Variants in IL12RB1 observed in about 807,000 individuals in gnomAD.
The protein encoded by IL12RB1 is interleukin-12 receptor subunit beta-1.
In IL12RB1, 64 loss-of-function variants were observed where a neutral mutation model predicts 94.4. The observed-to-expected ratio is 0.68, with a 90% CI of 0.55 to 0.83. The LOEUF (loss-of-function observed/expected upper bound fraction) is 0.83, where lower values mean the gene tolerates loss of function less well. IL12RB1 is among the 40% of genes least tolerant of loss of function. The pLI, the probability that IL12RB1 is intolerant of heterozygous loss-of-function variation, is 0.00. For synonymous variants in IL12RB1, 362 were observed against 355.5 expected (o/e 1.02, Z -0.21); for missense variants, 814 against 855.6 (o/e 0.95, Z 0.61).
intron 1 of IL12RB1, among the ~76,000 whole-genome samples, chr19:18,096,156 C>T (rs2036907075): frequency 6.6e-6 from 1 of 152,000 alleles, no homozygotes. Flanking sequence ...GCAGGAAGAT[C>T]GCTTGAGCCC....
At chr19:18,069,301 A>G (rs2034832340) in intron 10 of IL12RB1, among the ~76,000 whole-genome samples, 1 of 152,206 alleles carries the variant, frequency 6.6e-6, no homozygotes, top group African/African-American at 2.4e-5. Context: ...TGTGAGATTC[A>G]TTACCTGTAT....
At chr19:18,083,613 A>G in intron 1 of IL12RB1, 122 bp from the exon 2 acceptor site, 2 of 809,980 alleles carry the variant, frequency 2.5e-6, no homozygotes, top group African/African-American at 2.4e-5. Context: ...TTTCCCATCT[A>G]TGCACCCTCC....
chr19:18,096,071 C>CA, intron 1 of IL12RB1, among the ~76,000 whole-genome samples: 1 of 151,688 alleles, frequency 6.6e-6, no homozygotes, highest in African/African-American at 2.4e-5. Flanking sequence ...AAAAAAAACC[C>CA]AAAAAAATTA....
intron 15 of IL12RB1, among the ~76,000 whole-genome samples, chr19:18,060,536 A>AG (rs2034045372): frequency 1.3e-5 from 2 of 152,016 alleles, no homozygotes; most frequent in Admixed American, 6.6e-5. Context: ...AGCCCCTCTT[A>AG]GGAAGAGCAC....
intron 9 of IL12RB1, chr19:18,071,242 G>A: frequency 2.3e-6 from 1 of 435,786 alleles, no homozygotes; most frequent in Non-Finnish European, 4.3e-6. Flanking sequence ...TATGGTGGCA[G>A]ATGCCTGTAA....
chr19:18,079,618 C>T (rs1031525610), intron 4 of IL12RB1, among the ~76,000 whole-genome samples: 11 of 151,494 alleles, frequency 7.3e-5, no homozygotes, highest in African/African-American at 2.7e-4. Flanking sequence ...TAAGATTATA[C>T]ATGTAAGTGG....
chr19:18,068,433 G>A lies in IL12RB1; in HGVS notation c.1283C>T (p.Thr428Ile), dbSNP rs867396174. The change falls in exon 11 of 17, where the codon ACC becomes ATC. Residue 428 changes from threonine (T) to isoleucine (I), a missense_variant. Coordinates refer to ENST00000593993, the MANE Select transcript of IL12RB1 (RefSeq NM_005535.3). Reference protein sequence around the residue: ...IFASAHPEKLTLWSTVLSTYH... With the variant: ...IFASAHPEKLILWSTVLSTYH... The stretch of plus-strand genomic sequence containing the variant: ...GGTGGACAGGACCGTAGACCACAAG[G>A]TGAGCTTCTCGGGGTGCGCAGAGGC... 3 of 1,613,306 alleles carry A rather than the reference G, an allele frequency of 1.9e-6. No homozygotes were observed. Among genetic ancestry groups the A allele is most frequent in the African/African-American group, 1.3e-5 (1 of 74,796 alleles).
Position 18,068,017 on chromosome 19 carries a change from C to CTTTTT in IL12RB1, c.1327+367_1327+371dup, listed in dbSNP as rs1216685125. The stretch of plus-strand genomic sequence containing the variant: ...TTCTGTCTGCCTTAACAGCATTGTC[C>CTTTTT]TTTTTTTTTTTTTTTTTTTTTTTTT... On this transcript the variant is annotated intron_variant, in intron 11 of 16. Transcript: ENST00000593993. 5.3e-4 allele frequency among the ~76,000 whole-genome samples: 32 copies of CTTTTT among 59,860 alleles called. 4 individuals carry two copies. The highest frequency in any genetic ancestry group is 1.9e-3 in the African/African-American group (27 of 14,286). 39.3% of individuals were successfully genotyped at this position (59,860 alleles called of 152,430 possible). A position where few individuals can be genotyped will look rare whatever the true frequency, so the allele number is the denominator to read the frequency against.
rs538586278 is a variant in IL12RB1 at position 18,083,722 on chromosome 19, A to C, written c.65-231T>G. The stretch of plus-strand genomic sequence containing the variant: ...CCGTCCACCATCTACCCATCCATCC[A>C]CCCATGAATTCATCCATTCACCCAT... On this transcript the variant is annotated intron_variant, in intron 1 of 16. Coordinates refer to ENST00000593993, the MANE Select transcript of IL12RB1 (RefSeq NM_005535.3). Among the ~76,000 whole-genome samples the C allele has an allele frequency of 2.7e-5, 4 of 147,544 alleles. No homozygotes were observed. In the East Asian group the frequency reaches 8.0e-4, roughly 29 times the overall value.
rs560384669 is a variant in IL12RB1, at chr19:18,066,667, G to A, written c.1358C>T (p.Ser453Leu). 2.6e-5 allele frequency: 42 copies of A among 1,609,286 alleles called. No homozygotes were observed. Among genetic ancestry groups the A allele is most frequent in the South Asian group, 2.1e-4 (19 of 90,970 alleles). ...AGAGTCCAAGCTATGATTCTTCACC[G>A]AGACGTGGTGCGGTGTCCCAGCTGC... ...ASAAGTPHHV[S>L]VKNHSLDSVS... The change falls in exon 12 of 17, where the codon TCG becomes TTG. Residue 453 changes from serine (S) to leucine (L), a missense_variant. By Grantham distance (145) the Ser-to-Leu change is moderately radical. Coordinates refer to ENST00000593993, the MANE Select transcript of IL12RB1 (RefSeq NM_005535.3).
At position 18,080,631 on chromosome 19, in the gene IL12RB1, A is replaced by C. The variant is rs2305742; in HGVS notation, c.409+201T>G. 0.14 allele frequency among the ~76,000 whole-genome samples: 21,749 copies of C among 152,196 alleles called. 1,995 individuals carry two copies. The highest frequency in any genetic ancestry group is 0.21 in the Non-Finnish European group (14,048 of 68,000). On this transcript the variant is annotated intron_variant, in intron 4 of 16. Coordinates refer to ENST00000593993, the MANE Select transcript of IL12RB1 (RefSeq NM_005535.3). ...GCAGAGAGAAACCAGAAGCAATCTA[A>C]GTGCCCACGAATAGGGGATTGGTAA...
upstream of IL12RB1, chr19:18,086,970 C>T: frequency 4.0e-6 from 6 of 1,515,068 alleles, no homozygotes; most frequent in Middle Eastern, 1.0e-3. Flanking sequence ...TAAAGTGTCA[C>T]AGCCCATCCC....
At chr19:18,091,575 G>A (rs2036629613), upstream of IL12RB1, 1 of 152,202 alleles carries the variant, frequency 6.6e-6, no homozygotes, top group Non-Finnish European at 1.5e-5. Context: ...ATGCATAGGA[G>A]TTAGCCAGGA....
intron 9 of IL12RB1, chr19:18,071,309 T>A (rs1206795348): frequency 1.5e-6 from 1 of 655,528 alleles, no homozygotes; most frequent in Admixed American, 2.4e-5. Context: ...AAGGCGGAGG[T>A]TGCAGTGAGC....
chr19:18,084,183 CCATCCATCCATCCACGTATTCATA>C (rs1485264399), intron 1 of IL12RB1, among the ~76,000 whole-genome samples: 1 of 151,582 alleles, frequency 6.6e-6, no homozygotes, highest in Non-Finnish European at 1.5e-5. Context: ...ATCTGCCCCA[CCATCCATCCATCCACGTATTCATA>C]CATCCATCCA....
At chr19:18,078,044 G>T (rs2146344372) in intron 4 of IL12RB1, among the ~76,000 whole-genome samples, 1 of 152,252 alleles carries the variant, frequency 6.6e-6, no homozygotes, top group African/African-American at 2.4e-5. Flanking sequence ...AGGAGGCTGA[G>T]GCTGAAGTGA....
At position 18,059,884 on chromosome 19, in the gene IL12RB1, G is replaced by A. The variant is rs761603497; in HGVS notation, c.1983+10C>T. 1.1e-5 allele frequency: 17 copies of A among 1,546,002 alleles called. No individual in the cohort carries two copies. The South Asian group carries it at 1.6e-4, about 15-fold the overall frequency. On this transcript the variant is annotated intron_variant, in intron 16 of 16. Coordinates refer to ENST00000593993, the MANE Select transcript of IL12RB1 (RefSeq NM_005535.3). ...CACCCCTGACCGTCTGGCCCACTGG[G>A]CCCCAGGACCTTGGCCTTGCACCTG...
At chr19:18,079,714 G>A (rs938658858) in intron 4 of IL12RB1, among the ~76,000 whole-genome samples, 11 of 151,880 alleles carry the variant, frequency 7.2e-5, no homozygotes, top group African/African-American at 2.2e-4. Flanking sequence ...TCGAGACCAC[G>A]GTGAAACCCC....
At chr19:18,079,416 C>G (rs1448473041) in intron 4 of IL12RB1, among the ~76,000 whole-genome samples, 1 of 152,038 alleles carries the variant, frequency 6.6e-6, no homozygotes, top group East Asian at 1.9e-4. Flanking sequence ...TAAATCTATT[C>G]TTTTAGCAAA....
Sources: allele counts gnomAD v4.1 joint callset (sites outside exome capture counted in the v4.1 genomes callset), GRCh38; gene constraint gnomAD v4.1.1; transcripts MANE v1.5; gene names NCBI Gene and HGNC (gene_info 2026-07-23, HGNC 2026-07-21).